RNF135: variants seen among roughly 807,000 people sequenced by gnomAD.
RNF135 encodes the protein E3 ubiquitin-protein ligase RNF135.
A neutral mutation model predicts 41.9 loss-of-function variants in RNF135; 46 were observed. The observed-to-expected ratio is 1.10, with a 90% confidence interval of 0.87 to 1.40. The LOEUF is 1.40. RNF135 is among the 40% of genes most tolerant of loss of function. The pLI is 0.00. For missense variants in RNF135, 539 were observed against 549.8 expected, an observed-to-expected ratio of 0.98 and a Z score of 0.20; for synonymous variants, 238 against 223.8, an observed-to-expected ratio of 1.06 and a Z score of -0.57.
At chr17:30,985,993 C>G (rs1006749005) in intron 2 of RNF135, among the ~76,000 whole-genome samples, 1 of 152,180 alleles carries the variant, frequency 6.6e-6, no homozygotes, top group Non-Finnish European at 1.5e-5. Flanking sequence ...CCTTCAGATC[C>G]TAGCTAGAAC....
chr17:30,975,721 C>T (rs1053056118), intron 1 of RNF135: 76 of 1,407,394 alleles, frequency 5.4e-5, no homozygotes, highest in Non-Finnish European at 7.1e-5. Flanking sequence ...GATTGCCCAA[C>T]ACTGCTCACC....
At chr17:30,960,442 G>A in the RNF135 span, among the ~76,000 whole-genome samples, 1 of 150,966 alleles carries the variant, frequency 6.6e-6, no homozygotes, top group South Asian at 2.1e-4. Flanking sequence ...GGTGGCATGT[G>A]CCTGTAGTCC....
chr17:30,993,114 G>T (rs1208855417), intron 3 of RNF135, among the ~76,000 whole-genome samples: 1 of 150,150 alleles, frequency 6.7e-6, no homozygotes, highest in African/African-American at 2.5e-5. Context: ...AGGCTGGAGT[G>T]CAGTGGCGCG....
At chr17:30,983,353 A>ATATTTTTTTTTTTTTT (rs1420453160) in intron 1 of RNF135, among the ~76,000 whole-genome samples, 1 of 35,744 alleles carries the variant, frequency 2.8e-5, no homozygotes, top group African/African-American at 9.1e-5. Context: ...ATATATATAT[A>ATATTTTTTTTTTTTTT]TTTTTTTTTT....
At chr17:30,988,416 A>ATT (rs56955275) in intron 3 of RNF135, among the ~76,000 whole-genome samples, 1,867 of 81,916 alleles carry the variant, frequency 0.023, 297 homozygotes, top group African/African-American at 0.051. Context: ...GCCACTTTTA[A>ATT]TTTTTTTTTT....
intron 1 of RNF135, among the ~76,000 whole-genome samples, chr17:30,979,369 C>T (rs1906782272): frequency 7.9e-6 from 1 of 126,142 alleles, no homozygotes; most frequent in Non-Finnish European, 1.7e-5. Context: ...GGGGGGCTGT[C>T]CCCCCCACCT....
intron 1 of RNF135, among the ~76,000 whole-genome samples, chr17:30,979,654 C>T (rs1323283329): frequency 0.013 from 1,202 of 96,052 alleles, no homozygotes; most frequent in East Asian, 0.022. Flanking sequence ...GCTGGCCAGG[C>T]GGGGGGCTGA....
the RNF135 span, among the ~76,000 whole-genome samples, chr17:30,960,339 C>A: frequency 1.3e-5 from 2 of 151,608 alleles, no homozygotes; most frequent in Non-Finnish European, 2.9e-5. Flanking sequence ...TTGCAGTGAA[C>A]CAAGATTGCG....
chr17:30,972,111 T>C (rs968723570), intron 1 of RNF135: 2 of 151,142 alleles, frequency 1.3e-5, no homozygotes, highest in African/African-American at 4.9e-5. Flanking sequence ...CCTTTTATTT[T>C]TTTGAGACGG....
chr17:30,987,841 A>T, intron 2 of RNF135, 103 bp from the exon 3 acceptor site: 2 of 1,178,658 alleles, frequency 1.7e-6, no homozygotes, highest in African/African-American at 3.1e-5. Context: ...ACTTGCTGGG[A>T]ATTAAATAGA....
chr17:30,995,969 G>A (rs1908326070), intron 3 of RNF135, among the ~76,000 whole-genome samples: 1 of 151,518 alleles, frequency 6.6e-6, no homozygotes, highest in Non-Finnish European at 1.5e-5. Context: ...TAGAGATGGG[G>A]TTTCGCCATG....
At chr17:30,986,846 C>T (rs1255501095) in intron 2 of RNF135, among the ~76,000 whole-genome samples, 2 of 152,188 alleles carry the variant, frequency 1.3e-5, no homozygotes, top group Non-Finnish European at 2.9e-5. Flanking sequence ...TTATAATTAA[C>T]TGTGGCAATT....
At position 30,971,412 on chromosome 17, in the gene RNF135, C is replaced by T. The variant is rs1363928243; in HGVS notation, c.339C>T (p.Ala113=). ...CPGSSSLSSA[A]ARPRRRPELQ... ...GCTCCAGTTCCCTCTCCAGCGCGGCCGCGAGGCCCCGGCGCCGCCCGGAAC... is the reference window on the plus strand; with the variant it reads ...GCTCCAGTTCCCTCTCCAGCGCGGCTGCGAGGCCCCGGCGCCGCCCGGAAC... The change falls in exon 1 of 5, where the codon GCC becomes GCT. Residue 113 remains alanine (A), a synonymous_variant. Transcript: ENST00000328381. The T allele has an allele frequency of 6.6e-7, 1 of 1,517,398 alleles. No homozygotes were observed. The highest frequency in any genetic ancestry group is 1.4e-5 in the African/African-American group (1 of 69,644). The allele number at this position is 1,517,398 out of a possible 1,614,324, so 94.0% of individuals were successfully genotyped here. A position where few individuals can be genotyped will look rare whatever the true frequency, so the allele number is the denominator to read the frequency against.
At chr17:30,991,418 C>CTT (rs1028884578) in intron 3 of RNF135, among the ~76,000 whole-genome samples, 13 of 139,190 alleles carry the variant, frequency 9.3e-5, no homozygotes, top group Admixed American at 1.5e-4. Flanking sequence ...CTTTCTCTTT[C>CTT]TTTTTTTTTT....
At chr17:30,994,421 G>A (rs1908199768) in intron 3 of RNF135, among the ~76,000 whole-genome samples, 1 of 151,780 alleles carries the variant, frequency 6.6e-6, no homozygotes, top group Non-Finnish European at 1.5e-5. Flanking sequence ...GCACACACCT[G>A]TAGTCCCAGT....
intron 3 of RNF135, chr17:30,993,695 A>C: frequency 1.6e-6 from 1 of 636,034 alleles, no homozygotes; most frequent in Non-Finnish European, 2.6e-6. Context: ...AGTATTAGGG[A>C]GTGTTAATTT....
At chr17:30,984,592 G>A (rs777330894) in intron 1 of RNF135, 25 bp from the exon 2 acceptor site, 1 of 1,614,080 alleles carries the variant, frequency 6.2e-7, no homozygotes. Flanking sequence ...ATAGAACCCA[G>A]GACCTGAACT....
intron 1 of RNF135, among the ~76,000 whole-genome samples, chr17:30,973,505 T>C (rs1296931431): frequency 1.3e-5 from 2 of 152,058 alleles, no homozygotes; most frequent in East Asian, 3.9e-4. Flanking sequence ...TCTCGCTCCT[T>C]TCCCAGGGAT....
chr17:30,960,744 ATTTT>A, the RNF135 span, among the ~76,000 whole-genome samples: 739 of 134,680 alleles, frequency 5.5e-3, 8 homozygotes, highest in African/African-American at 0.021. Flanking sequence ...ATTTTATTTT[ATTTT>A]TTTTTTTTTG....
Sources: gnomAD v4.1 joint callset for allele counts (sites outside exome capture counted in the v4.1 genomes callset) on GRCh38, gnomAD v4.1.1 for gene constraint, MANE v1.5 for transcripts, NCBI Gene and HGNC (gene_info 2026-07-23, HGNC 2026-07-21) for gene names.